Variants in ELMO1 observed in about 807,000 individuals in gnomAD.
The protein encoded by ELMO1 is engulfment and cell motility protein 1.
ELMO1 carries 26 observed loss-of-function variants against 98.9 expected under a neutral mutation model. The ratio of observed to expected loss-of-function variants is 0.26; its 90% CI spans 0.19 to 0.36. The LOEUF (loss-of-function observed/expected upper bound fraction) is 0.36. Ranked by LOEUF, ELMO1 falls within the 10% of genes least tolerant of loss-of-function variation. The pLI is 1.00. For missense variants in ELMO1, 627 were observed against 935.2 expected (o/e 0.67, Z 4.30); for synonymous variants, 346 against 346.0 (o/e 1.00, Z 0.00).
At chr7:36,915,364 A>G (rs1784615961) in intron 16 of ELMO1, among the ~76,000 whole-genome samples, 1 of 152,244 alleles carries the variant, frequency 6.6e-6, no homozygotes, top group African/African-American at 2.4e-5. Context: ...AAAATTTCTC[A>G]GCCACATTTT....
chr7:37,158,192 C>A (rs537966836), intron 13 of ELMO1, among the ~76,000 whole-genome samples: 1 of 152,294 alleles, frequency 6.6e-6, no homozygotes, highest in South Asian at 2.1e-4. Context: ...AGACCTAACA[C>A]CATACAAACC....
intron 19 of ELMO1, among the ~76,000 whole-genome samples, chr7:36,875,926 T>A (rs1803924804): frequency 6.6e-6 from 1 of 152,154 alleles, no homozygotes; most frequent in Non-Finnish European, 1.5e-5. Flanking sequence ...AGTGATTACA[T>A]CCCTATAAAC....
At chr7:37,132,078 TC>T (rs935575020) in intron 14 of ELMO1, among the ~76,000 whole-genome samples, 22 of 152,016 alleles carry the variant, frequency 1.4e-4, no homozygotes, top group African/African-American at 5.1e-4. Flanking sequence ...ATAAATACTG[TC>T]CCAGCTAAGA....
intron 13 of ELMO1, among the ~76,000 whole-genome samples, chr7:37,173,869 C>A (rs1241033419): frequency 6.6e-6 from 1 of 152,208 alleles, no homozygotes; most frequent in East Asian, 1.9e-4. Flanking sequence ...AAAGATAAAC[C>A]ACATGGTGGT....
intron 1 of ELMO1, chr7:37,394,044 G>A (rs1489430914): frequency 1.3e-5 from 2 of 152,184 alleles, no homozygotes; most frequent in Non-Finnish European, 2.9e-5. Context: ...ACTTTTTGAT[G>A]CAAGAAATAA....
chr7:37,365,978 G>A (rs1035483990), intron 1 of ELMO1, among the ~76,000 whole-genome samples: 5 of 152,188 alleles, frequency 3.3e-5, no homozygotes, highest in African/African-American at 1.2e-4. Flanking sequence ...GAATGCCCAA[G>A]ATAAGATTTC....
At chr7:37,195,355 A>G (rs978017199) in intron 13 of ELMO1, among the ~76,000 whole-genome samples, 1 of 152,258 alleles carries the variant, frequency 6.6e-6, no homozygotes, top group Non-Finnish European at 1.5e-5. Context: ...GGTTGCACGA[A>G]CAAATGAATC....
intron 1 of ELMO1, among the ~76,000 whole-genome samples, chr7:37,439,909 G>T (rs1176898933): frequency 6.6e-6 from 1 of 152,174 alleles, no homozygotes; most frequent in Non-Finnish European, 1.5e-5. Flanking sequence ...CAGCACTGGA[G>T]AAAACAGGAT....
At chr7:37,101,028 GCT>G in intron 14 of ELMO1, among the ~76,000 whole-genome samples, 1 of 152,184 alleles carries the variant, frequency 6.6e-6, no homozygotes, top group Non-Finnish European at 1.5e-5. Context: ...TCTTTATTGT[GCT>G]CTCTCTTCCT....
intron 16 of ELMO1, among the ~76,000 whole-genome samples, chr7:37,005,859 G>C (rs78028582): frequency 0.016 from 2,443 of 152,142 alleles, 34 homozygotes; most frequent in Non-Finnish European, 0.026. Flanking sequence ...TCTTCTCCCT[G>C]CTCTCCATTA....
At chr7:37,331,332 G>GAGTTTTTTTTTT (rs1475509598) in intron 2 of ELMO1, among the ~76,000 whole-genome samples, 3 of 15,678 alleles carry the variant, frequency 1.9e-4, no homozygotes, top group Non-Finnish European at 4.7e-4. Flanking sequence ...GCCACGCCTG[G>GAGTTTTTTTTTT]CTTTTTTTTT....
chr7:37,242,955 T>C (rs1340650898), intron 7 of ELMO1, among the ~76,000 whole-genome samples: 2 of 152,214 alleles, frequency 1.3e-5, no homozygotes, highest in African/African-American at 2.4e-5. Flanking sequence ...AAGGGTTAAC[T>C]TCCCTCTACC....
intron 15 of ELMO1, among the ~76,000 whole-genome samples, chr7:37,025,845 A>G (rs1315919740): frequency 6.6e-6 from 1 of 150,920 alleles, no homozygotes; most frequent in East Asian, 1.9e-4. Flanking sequence ...TTCTATATAT[A>G]CATGAGATTT....
At chr7:37,394,012 TAAGTAG>T (rs1414571266) in intron 1 of ELMO1, 2 of 152,222 alleles carry the variant, frequency 1.3e-5, no homozygotes, top group African/African-American at 4.8e-5. Context: ...TTTCCATAGC[TAAGTAG>T]AGGTAAGCTG....
intron 7 of ELMO1, among the ~76,000 whole-genome samples, chr7:37,237,280 C>A (rs923365598): frequency 9.9e-5 from 15 of 151,974 alleles, no homozygotes; most frequent in Admixed American, 6.6e-5. Flanking sequence ...CCCGTTAATA[C>A]AGAATTTTAT....
chr7:37,373,027 G>T (rs1314227802), intron 1 of ELMO1, among the ~76,000 whole-genome samples: 1 of 152,186 alleles, frequency 6.6e-6, no homozygotes, highest in East Asian at 1.9e-4. Context: ...CCCGTGCTGT[G>T]TCACCTACAG....
Position 37,133,132 on chromosome 7 carries a change from G to C in ELMO1, c.1189C>G (p.Arg397Gly). 6.2e-7 allele frequency: 1 copy of C among 1,605,842 alleles called. No individual in the cohort carries two copies. The highest frequency in any genetic ancestry group is 8.5e-7 in the Non-Finnish European group (1 of 1,176,350). ...CTGAAAAGGGGCTTCTTGCTTACCC[G>C]GATGTAGGCATCTTGGTGGTGCTTG... ...FAKHHQDAYI[R>G]IVLENSSRED... The change falls in exon 14 of 22, where the codon CGG becomes GGG. Residue 397 changes from arginine to glycine, a missense_variant and splice_region_variant. Arg to Gly is a moderately radical substitution (Grantham distance 125). Transcript: ENST00000310758.
intron 5 of ELMO1, among the ~76,000 whole-genome samples, chr7:37,268,555 C>T (rs1461479167): frequency 6.6e-6 from 1 of 152,154 alleles, no homozygotes. Context: ...CCGCCTTGGC[C>T]TCCCAAAGTG....
At chr7:37,080,633 A>G (rs1342685142) in intron 15 of ELMO1, among the ~76,000 whole-genome samples, 1 of 37,754 alleles carries the variant, frequency 2.6e-5, no homozygotes, top group Admixed American at 3.0e-4. Flanking sequence ...TTGTATTTTT[A>G]GTAGAGACAG....
Sources: gnomAD v4.1 joint callset for allele counts (sites outside exome capture counted in the v4.1 genomes callset) on GRCh38, gnomAD v4.1.1 for gene constraint, MANE v1.5 for transcripts, NCBI Gene and HGNC (gene_info 2026-07-23, HGNC 2026-07-21) for gene names.